The following UBE3C variants were observed in gnomAD, a reference collection of about 807,000 sequenced individuals.
UBE3C encodes ubiquitin protein ligase E3C.
In UBE3C, 42 loss-of-function variants were observed where a neutral mutation model predicts 129.4. The observed-to-expected ratio is 0.32, with a 90% CI of 0.25 to 0.42. The LOEUF (loss-of-function observed/expected upper bound fraction) is 0.42. Among genes scored for constraint, UBE3C ranks in the 10% least tolerant of loss-of-function variants. UBE3C has a pLI of 1.00. For missense variants in UBE3C, 1,049 were observed against 1,319.1 expected (o/e 0.80, Z 3.17); for synonymous variants, 510 against 492.4 (o/e 1.04, Z -0.47).
intron 10 of UBE3C, chr7:157,189,214 T>C (rs1229034285): frequency 8.2e-6 from 3 of 363,970 alleles, no homozygotes; most frequent in Non-Finnish European, 1.5e-5. Context: ...GAGTACACTA[T>C]TTTTATATCA....
At chr7:157,190,747 T>C (rs761898332) in intron 10 of UBE3C, among the ~76,000 whole-genome samples, 1 of 152,248 alleles carries the variant, frequency 6.6e-6, no homozygotes, top group Non-Finnish European at 1.5e-5. Flanking sequence ...TTCCTTGGAT[T>C]ATTGATTTGT....
intron 1 of UBE3C, among the ~76,000 whole-genome samples, chr7:157,150,864 T>G (rs1418552115): frequency 1.3e-5 from 2 of 152,370 alleles, no homozygotes; most frequent in East Asian, 3.9e-4. Flanking sequence ...ACGTTTTTGT[T>G]ACCTTGGTCA....
At chr7:157,256,528 G>A (rs889282388) in intron 21 of UBE3C, among the ~76,000 whole-genome samples, 3 of 151,880 alleles carry the variant, frequency 2.0e-5, no homozygotes, top group African/African-American at 4.8e-5. Flanking sequence ...GGGTGGGGGC[G>A]GGGGGAGGCA....
intron 21 of UBE3C, among the ~76,000 whole-genome samples, chr7:157,255,019 A>G (rs1403297575): frequency 1.3e-5 from 2 of 152,086 alleles, no homozygotes; most frequent in African/African-American, 4.8e-5. Flanking sequence ...GTGCTGAGGC[A>G]GGAGAATCAC....
intron 2 of UBE3C, among the ~76,000 whole-genome samples, chr7:157,165,036 A>G (rs1326674661): frequency 1.3e-5 from 2 of 152,174 alleles, no homozygotes; most frequent in Non-Finnish European, 2.9e-5. Flanking sequence ...CATGGCCTCT[A>G]CCCACTAAAT....
chr7:157,153,103 G>A (rs537167884), intron 1 of UBE3C, among the ~76,000 whole-genome samples: 4 of 152,248 alleles, frequency 2.6e-5, no homozygotes, highest in Admixed American at 6.5e-5. Context: ...GGCTGAGGCC[G>A]GAGAATGGCT....
intron 22 of UBE3C, 109 bp from the exon 23 acceptor site, chr7:157,267,476 C>A: frequency 2.3e-6 from 3 of 1,312,822 alleles, no homozygotes; most frequent in Non-Finnish European, 3.2e-6. Context: ...AATGTGACTG[C>A]AATGGTAACT....
intron 10 of UBE3C, chr7:157,192,926 C>T (rs994615972): frequency 6.1e-6 from 4 of 652,644 alleles, no homozygotes; most frequent in African/African-American, 5.5e-5. Context: ...CCACTTTCCC[C>T]CATTTTAATT....
intron 17 of UBE3C, among the ~76,000 whole-genome samples, chr7:157,226,187 AT>A (rs1795873647): frequency 6.6e-6 from 1 of 152,222 alleles, no homozygotes; most frequent in Non-Finnish European, 1.5e-5. Context: ...TTTATATGAA[AT>A]CACAAATTGT....
At chr7:157,240,895 G>T (rs1796300049) in intron 18 of UBE3C, among the ~76,000 whole-genome samples, 1 of 152,232 alleles carries the variant, frequency 6.6e-6, no homozygotes, top group Non-Finnish European at 1.5e-5. Context: ...AGTCAACTGT[G>T]TGCTACAGAT....
In UBE3C at chr7:157,256,789, G is replaced by A. The variant is rs149829385; in HGVS notation, c.2951-125G>A. On this transcript the variant is annotated intron_variant, in intron 21 of 22. Coordinates refer to ENST00000348165, the MANE Select transcript of UBE3C (RefSeq NM_014671.3). Reference sequence around the variant, plus strand: ...ACAGGTGATACACACATGCCACGCCGTTTTAGAGAAGGGACTTGAGGATCC... The same window carrying A: ...ACAGGTGATACACACATGCCACGCCATTTTAGAGAAGGGACTTGAGGATCC... 2.4e-3 allele frequency: 3,160 copies of A among 1,299,274 alleles called. 69 individuals are homozygous for A. In the African/African-American group the frequency reaches 0.041, roughly 17 times the overall value. The allele number at this position is 1,299,274 out of a possible 1,614,324, so 80.5% of individuals were successfully genotyped here. A position where few individuals can be genotyped will look rare whatever the true frequency, so the allele number is the denominator to read the frequency against.
At chr7:157,249,831 A>G (rs924655447) in intron 19 of UBE3C, among the ~76,000 whole-genome samples, 2 of 152,224 alleles carry the variant, frequency 1.3e-5, no homozygotes, top group Non-Finnish European at 1.5e-5. Flanking sequence ...AGTTAGTAAC[A>G]TCTGGGATTT....
At chr7:157,265,440 A>G (rs1398080877) in intron 22 of UBE3C, among the ~76,000 whole-genome samples, 1 of 152,250 alleles carries the variant, frequency 6.6e-6, no homozygotes, top group Non-Finnish European at 1.5e-5. Flanking sequence ...CGACACGCCC[A>G]TAGGTCTCAT....
At chr7:157,214,373 T>C (rs575951784) in intron 13 of UBE3C, among the ~76,000 whole-genome samples, 1 of 152,144 alleles carries the variant, frequency 6.6e-6, no homozygotes, top group African/African-American at 2.4e-5. Flanking sequence ...GAAATAGATA[T>C]CTAGGAGTTA....
chr7:157,144,506 C>T (rs1045356392), intron 1 of UBE3C, among the ~76,000 whole-genome samples: 2 of 151,820 alleles, frequency 1.3e-5, no homozygotes, highest in East Asian at 1.9e-4. Context: ...CGAGAATACC[C>T]GAGAGGGGAG....
chr7:157,207,699 T>C lies in UBE3C; in HGVS notation c.1577-4T>C. 6.2e-7 allele frequency: 1 copy of C among 1,609,072 alleles called. No homozygotes were observed. Among genetic ancestry groups the C allele is most frequent in the Non-Finnish European group, 8.5e-7 (1 of 1,178,574 alleles). The stretch of plus-strand genomic sequence containing the variant: ...ACAATAGAAAACTGGATTGTGTTTT[T>C]TAGTTGTAGGTCAAAGACAATCATC... On this transcript the variant is annotated splice_polypyrimidine_tract_variant and splice_region_variant and intron_variant, in intron 12 of 22. Transcript: ENST00000348165.
chr7:157,268,004 T>A lies in UBE3C; in HGVS notation c.*249T>A, dbSNP rs1797126193. ...ATGTGCCATGTGGCTACTTTAGTAATATTGCCAAGAAGAGCACAGTTTTTA... is the reference window on the plus strand; with the variant it reads ...ATGTGCCATGTGGCTACTTTAGTAAAATTGCCAAGAAGAGCACAGTTTTTA... On this transcript the variant is annotated 3_prime_UTR_variant, in exon 23 of 23. Transcript: ENST00000348165. The A allele has an allele frequency of 2.9e-6, 1 of 343,688 alleles. No individual in the cohort carries two copies. The highest frequency in any genetic ancestry group is 5.6e-5 in the South Asian group (1 of 17,996). The allele number at this position is 343,688 out of a possible 1,614,324, so 21.3% of individuals were successfully genotyped here.
rs575563230 is a variant in UBE3C at position 157,148,338 on chromosome 7, A to G, written c.66+9000A>G. Among the ~76,000 whole-genome samples the G allele has an allele frequency of 2.6e-5, 4 of 152,270 alleles. No individual in the cohort carries two copies. The East Asian group carries it at 7.7e-4, about 29-fold the overall frequency. On this transcript the variant is annotated intron_variant, in intron 1 of 22. Transcript: ENST00000348165. ...TACTGGCCTTGAACTCCTGGCCTCA[A>G]GTGATCTGCCCACCTCAGCTTCCCA...
intron 1 of UBE3C, among the ~76,000 whole-genome samples, chr7:157,151,721 C>G (rs183190704): frequency 3.2e-4 from 48 of 152,218 alleles, no homozygotes; most frequent in African/African-American, 9.9e-4. Flanking sequence ...GCTTTTTAAT[C>G]CATTTGCCCT....
Sources: gnomAD v4.1 joint callset for allele counts (sites outside exome capture counted in the v4.1 genomes callset) on GRCh38, gnomAD v4.1.1 for gene constraint, MANE v1.5 for transcripts, NCBI Gene and HGNC (gene_info 2026-07-23, HGNC 2026-07-21) for gene names.